CDH12: variants seen among roughly 807,000 people sequenced by gnomAD.
CDH12 encodes cadherin-12.
CDH12 carries 41 observed loss-of-function variants against 74.1 expected under a neutral mutation model. The ratio of observed to expected loss-of-function variants is 0.55; its 90% CI spans 0.43 to 0.72. The LOEUF (loss-of-function observed/expected upper bound fraction) is 0.72, where lower values mean the gene tolerates loss of function less well. Ranked by LOEUF, CDH12 falls within the 30% of genes least tolerant of loss-of-function variation. The pLI, the probability that CDH12 is intolerant of heterozygous loss-of-function variation, is 0.00. For missense variants in CDH12, 945 were observed against 977.2 expected, an observed-to-expected ratio of 0.97 and a Z score of 0.44; for synonymous variants, 399 against 355.0, an observed-to-expected ratio of 1.12 and a Z score of -1.39.
chr5:21,752,954 A>C (rs1205260461), intron 14 of CDH12, among the ~76,000 whole-genome samples: 1 of 152,234 alleles, frequency 6.6e-6, no homozygotes, highest in Non-Finnish European at 1.5e-5. Context: ...GGTTACCTTC[A>C]TAAAACAATA....
intron 1 of CDH12, among the ~76,000 whole-genome samples, chr5:22,585,597 C>G (rs904316250): frequency 2.0e-5 from 3 of 152,068 alleles, no homozygotes; most frequent in Non-Finnish European, 2.9e-5. Context: ...TGTCAACATT[C>G]AATGTTTTTG....
chr5:22,708,076 T>C (rs1463250446), intron 1 of CDH12, among the ~76,000 whole-genome samples: 3 of 152,202 alleles, frequency 2.0e-5, no homozygotes, highest in African/African-American at 7.2e-5. Context: ...CACATAGCCC[T>C]CTTGTAAATA....
intron 1 of CDH12, among the ~76,000 whole-genome samples, chr5:22,654,282 T>C (rs540135823): frequency 6.6e-6 from 1 of 150,722 alleles, no homozygotes; most frequent in South Asian, 2.1e-4. Context: ...TTTACGTATT[T>C]CTTTCTTTCT....
chr5:22,233,275 C>T (rs1442453920), intron 3 of CDH12, among the ~76,000 whole-genome samples: 1 of 151,228 alleles, frequency 6.6e-6, no homozygotes, highest in Non-Finnish European at 1.5e-5. Context: ...CCAAAATAAA[C>T]TGATCATAGA....
At chr5:22,761,930 AACACACAC>A (rs10662625) in intron 1 of CDH12, among the ~76,000 whole-genome samples, 1 of 148,988 alleles carries the variant, frequency 6.7e-6, no homozygotes, top group African/African-American at 2.5e-5. Flanking sequence ...TAATTTCTCA[AACACACAC>A]ACACACACAC....
At chr5:22,096,660 G>A (rs1743800113) in intron 4 of CDH12, among the ~76,000 whole-genome samples, 1 of 152,054 alleles carries the variant, frequency 6.6e-6, no homozygotes, top group Non-Finnish European at 1.5e-5. Context: ...TGGAGCTAAA[G>A]GCATAGTTAA....
intron 8 of CDH12, among the ~76,000 whole-genome samples, chr5:21,841,481 C>G (rs1422447273): frequency 2.0e-5 from 3 of 150,082 alleles, no homozygotes; most frequent in African/African-American, 7.4e-5. Context: ...CTAGAAATAC[C>G]ATTTGACCCA....
chr5:22,438,960 T>C (rs1205828011), intron 2 of CDH12, among the ~76,000 whole-genome samples: 1 of 151,976 alleles, frequency 6.6e-6, no homozygotes, highest in Non-Finnish European at 1.5e-5. Flanking sequence ...CTAATTTATC[T>C]GTGCTGATGA....
chr5:22,236,540 C>T (rs932590692), intron 3 of CDH12, among the ~76,000 whole-genome samples: 10 of 151,858 alleles, frequency 6.6e-5, no homozygotes, highest in African/African-American at 2.4e-4. Context: ...TAAGACCAGC[C>T]TGGCCAACAT....
chr5:22,505,745 GT>G (rs1023460505), intron 1 of CDH12, among the ~76,000 whole-genome samples: 2 of 152,092 alleles, frequency 1.3e-5, no homozygotes, highest in Admixed American at 1.3e-4. Flanking sequence ...GGCAGTGATA[GT>G]TTCTTAGACT....
chr5:21,791,792 GT>G (rs1746514123), intron 10 of CDH12, among the ~76,000 whole-genome samples: 1 of 151,766 alleles, frequency 6.6e-6, no homozygotes, highest in African/African-American at 2.4e-5. Context: ...CTGTAAATTA[GT>G]TTTCAGAAAC....
rs1554047743 is a variant in CDH12, at chr5:22,532,375, A to ATATG, written c.-522-27015_-522-27012dup. ...GATATATATATATATATATATATAT[A>ATATG]TATGTATGTATCCTATTTTGCTCCT... On this transcript the variant is annotated intron_variant, in intron 1 of 14. Transcript: ENST00000382254. Among the ~76,000 whole-genome samples the ATATG allele has an allele frequency of 2.5e-3, 191 of 75,726 alleles. 10 individuals carry two copies. Among genetic ancestry groups the ATATG allele is most frequent in the African/African-American group, 7.5e-3 (165 of 21,944 alleles). The allele number at this position is 75,726 out of a possible 152,430, so 49.7% of individuals were successfully genotyped here. A position where few individuals can be genotyped will look rare whatever the true frequency, so the allele number is the denominator to read the frequency against.
At chr5:22,631,756 C>T (rs543646813) in intron 1 of CDH12, among the ~76,000 whole-genome samples, 1 of 152,242 alleles carries the variant, frequency 6.6e-6, no homozygotes, top group South Asian at 2.1e-4. Flanking sequence ...CCTCAGGAAA[C>T]TTAACAATCC....
In CDH12 at chr5:21,973,899, C is replaced by G. The variant is rs1045238077; in HGVS notation, c.526+1192G>C. Among the ~76,000 whole-genome samples, 19 of 152,116 alleles carry G rather than the reference C, an allele frequency of 1.2e-4. 1 individual carries two copies. Among genetic ancestry groups the G allele is most frequent in the Admixed American group, 6.6e-5 (1 of 15,250 alleles). On this transcript the variant is annotated intron_variant, in intron 6 of 14. Transcript: ENST00000382254. Reference sequence around the variant, plus strand: ...TAATAACAGTGCATAAAACAGGCAACCCCAAAAGTGTAGCAGGTACTGAAT... The same window carrying G: ...TAATAACAGTGCATAAAACAGGCAAGCCCAAAAGTGTAGCAGGTACTGAAT...
intron 1 of CDH12, among the ~76,000 whole-genome samples, chr5:22,682,674 T>C (rs1204495641): frequency 6.6e-6 from 1 of 151,826 alleles, no homozygotes; most frequent in Admixed American, 6.6e-5. Context: ...CTAATTTTTC[T>C]ATACTTTTGA....
At chr5:22,072,859 A>G (rs896807328) in intron 5 of CDH12, among the ~76,000 whole-genome samples, 1 of 152,016 alleles carries the variant, frequency 6.6e-6, no homozygotes, top group African/African-American at 2.4e-5. Flanking sequence ...CTGGCAGGAT[A>G]ATAAACCATG....
intron 6 of CDH12, among the ~76,000 whole-genome samples, chr5:21,950,803 TGAGACAG>T (rs1193793254): frequency 2.0e-5 from 3 of 147,842 alleles, no homozygotes; most frequent in Non-Finnish European, 4.5e-5. Flanking sequence ...ATTATTATTT[TGAGACAG>T]AGTCTCACTC....
intron 6 of CDH12, among the ~76,000 whole-genome samples, chr5:21,921,447 T>C (rs953182032): frequency 6.6e-6 from 1 of 152,160 alleles, no homozygotes; most frequent in Non-Finnish European, 1.5e-5. Context: ...TTTAAAACAA[T>C]TTTTTTCTGT....
intron 3 of CDH12, among the ~76,000 whole-genome samples, chr5:22,372,535 C>T (rs1475970787): frequency 6.6e-6 from 1 of 152,156 alleles, no homozygotes; most frequent in African/African-American, 2.4e-5. Context: ...AGTCACCAGG[C>T]TTCCAAGCCC....
Sources: allele counts gnomAD v4.1 joint callset (sites outside exome capture counted in the v4.1 genomes callset), GRCh38; gene constraint gnomAD v4.1.1; transcripts MANE v1.5; gene names NCBI Gene and HGNC (gene_info 2026-07-23, HGNC 2026-07-21).